Variants in PITPNC1 observed in about 807,000 individuals in gnomAD.
PITPNC1 encodes the protein phosphatidylinositol transfer protein cytoplasmic 1.
PITPNC1 carries 18 observed loss-of-function variants against 44.7 expected under a neutral mutation model. The ratio of observed to expected loss-of-function variants is 0.40; its 90% CI spans 0.28 to 0.60. The LOEUF (loss-of-function observed/expected upper bound fraction) is 0.60, where lower values mean the gene tolerates loss of function less well. Ranked by LOEUF, PITPNC1 falls within the 20% of genes least tolerant of loss-of-function variation. PITPNC1 has a pLI of 0.39. For missense variants in PITPNC1, 290 were observed against 418.4 expected (o/e 0.69, Z 2.68); for synonymous variants, 141 against 149.6 (o/e 0.94, Z 0.42).
intron 1 of PITPNC1, among the ~76,000 whole-genome samples, chr17:67,382,864 G>A (rs1022576000): frequency 1.3e-5 from 2 of 151,804 alleles, no homozygotes; most frequent in African/African-American, 4.8e-5. Context: ...GACCTCAGGC[G>A]ATCCGCCCAC....
intron 1 of PITPNC1, among the ~76,000 whole-genome samples, chr17:67,480,517 C>A (rs1034710936): frequency 9.2e-5 from 14 of 152,090 alleles, no homozygotes; most frequent in African/African-American, 3.4e-4. Context: ...AATATTATAT[C>A]ACCACTGTAA....
At chr17:67,531,653 T>C (rs1194885953) in intron 1 of PITPNC1, among the ~76,000 whole-genome samples, 1 of 152,210 alleles carries the variant, frequency 6.6e-6, no homozygotes, top group Non-Finnish European at 1.5e-5. Context: ...TAATTTAAAA[T>C]CTATTTCTGT....
intron 1 of PITPNC1, among the ~76,000 whole-genome samples, chr17:67,491,663 A>G (rs2039866385): frequency 6.6e-6 from 1 of 151,980 alleles, no homozygotes. Context: ...ACATAGTAAG[A>G]CTCCGTTTCT....
chr17:67,591,842 TG>T (rs1233582674), intron 5 of PITPNC1, among the ~76,000 whole-genome samples: 1 of 151,758 alleles, frequency 6.6e-6, no homozygotes, highest in Non-Finnish European at 1.5e-5. Context: ...TCTTAGTAGC[TG>T]GGACTACAGG....
intron 1 of PITPNC1, among the ~76,000 whole-genome samples, chr17:67,391,591 C>T (rs541697305): frequency 1.3e-5 from 2 of 152,210 alleles, no homozygotes; most frequent in South Asian, 2.1e-4. Context: ...AGTGATTCTC[C>T]TGCCTCAGCA....
At chr17:67,690,057 C>T (rs1005924145) in intron 8 of PITPNC1, among the ~76,000 whole-genome samples, 1 of 152,188 alleles carries the variant, frequency 6.6e-6, no homozygotes, top group African/African-American at 2.4e-5. Context: ...TTTGTAAAAA[C>T]TTTCCCTTTC....
At chr17:67,681,392 C>A (rs1254677811) in intron 8 of PITPNC1, among the ~76,000 whole-genome samples, 1 of 151,932 alleles carries the variant, frequency 6.6e-6, no homozygotes, top group Non-Finnish European at 1.5e-5. Flanking sequence ...GCAGGAGAAT[C>A]ACTCGAGCTG....
intron 1 of PITPNC1, among the ~76,000 whole-genome samples, chr17:67,429,643 A>T (rs986482727): frequency 6.6e-6 from 1 of 152,004 alleles, no homozygotes; most frequent in Non-Finnish European, 1.5e-5. Context: ...GGTTGCAGTG[A>T]GCTGAGATCG....
At chr17:67,590,535 A>C (rs2041375903) in intron 5 of PITPNC1, among the ~76,000 whole-genome samples, 1 of 152,240 alleles carries the variant, frequency 6.6e-6, no homozygotes, top group Admixed American at 6.5e-5. Context: ...CATAATAGTA[A>C]TTGATTTAGT....
chr17:67,427,718 A>G (rs1318668330), intron 1 of PITPNC1, among the ~76,000 whole-genome samples: 1 of 152,216 alleles, frequency 6.6e-6, no homozygotes, highest in African/African-American at 2.4e-5. Flanking sequence ...ATATTTAACA[A>G]GTAGAAACAA....
intron 1 of PITPNC1, among the ~76,000 whole-genome samples, chr17:67,412,124 G>A (rs767422087): frequency 6.6e-6 from 1 of 152,162 alleles, no homozygotes; most frequent in Non-Finnish European, 1.5e-5. Context: ...AGAAGCATGA[G>A]ATTCAGATCA....
At chr17:67,400,651 AT>A (rs1315560240) in intron 1 of PITPNC1, among the ~76,000 whole-genome samples, 2 of 151,882 alleles carry the variant, frequency 1.3e-5, no homozygotes, top group Admixed American at 6.6e-5. Flanking sequence ...TCCTTTCCTT[AT>A]TTTTTGTAAC....
At chr17:67,532,731 G>T in intron 1 of PITPNC1, 71 bp from the exon 2 acceptor site, 1 of 1,279,164 alleles carries the variant, frequency 7.8e-7, no homozygotes. Flanking sequence ...GGCTTGCCAA[G>T]CTATGGTTGG....
intron 2 of PITPNC1, among the ~76,000 whole-genome samples, chr17:67,534,279 C>G (rs994621047): frequency 5.9e-5 from 9 of 152,152 alleles, no homozygotes; most frequent in Non-Finnish European, 1.2e-4. Flanking sequence ...TCCTATCCAG[C>G]CCATTTCTTC....
intron 1 of PITPNC1, among the ~76,000 whole-genome samples, chr17:67,417,431 A>T (rs2038605508): frequency 6.6e-6 from 1 of 152,116 alleles, no homozygotes; most frequent in African/African-American, 2.4e-5. Context: ...CACCAGGTCC[A>T]CATTCAGCAC....
At chr17:67,486,780 C>T (rs1215981127) in intron 1 of PITPNC1, among the ~76,000 whole-genome samples, 1 of 152,120 alleles carries the variant, frequency 6.6e-6, no homozygotes, top group East Asian at 1.9e-4. Flanking sequence ...CCTCTCTTGC[C>T]TTTCAGGGTG....
At chr17:67,462,511 C>T (rs1245902983) in intron 1 of PITPNC1, among the ~76,000 whole-genome samples, 4 of 140,034 alleles carry the variant, frequency 2.9e-5, no homozygotes, top group African/African-American at 7.9e-5. Flanking sequence ...GGAATACAGG[C>T]GTGAGCCACC....
At chr17:67,388,330 T>G (rs1005667609) in intron 1 of PITPNC1, among the ~76,000 whole-genome samples, 3 of 143,284 alleles carry the variant, frequency 2.1e-5, no homozygotes, top group Admixed American at 7.0e-5. Flanking sequence ...TTTTTCGTGT[T>G]TTTTTTTTTT....
At chr17:67,442,562 G>A (rs1282560236) in intron 1 of PITPNC1, among the ~76,000 whole-genome samples, 1 of 151,746 alleles carries the variant, frequency 6.6e-6, no homozygotes, top group East Asian at 1.9e-4. Context: ...ATGCATTATG[G>A]CTGGGCGTGG....
Sources: gnomAD v4.1 joint callset for allele counts (sites outside exome capture counted in the v4.1 genomes callset) on GRCh38, gnomAD v4.1.1 for gene constraint, MANE v1.5 for transcripts, NCBI Gene and HGNC (gene_info 2026-07-23, HGNC 2026-07-21) for gene names.